DLG2: variants seen among roughly 807,000 people sequenced by gnomAD.
DLG2 encodes the protein disks large homolog 2.
A neutral mutation model predicts 132.5 loss-of-function variants in DLG2; 45 were observed. The ratio of observed to expected loss-of-function variants is 0.34; its 90% CI spans 0.27 to 0.44. DLG2 has a LOEUF of 0.44. Among genes scored for constraint, DLG2 ranks in the 20% least tolerant of loss-of-function variants. The probability of loss-of-function intolerance (pLI) is 1.00; values close to 1 mark genes in which losing one functional copy is unlikely to be tolerated. For synonymous variants in DLG2, 424 were observed against 419.6 expected (o/e 1.01, Z -0.13); for missense variants, 1,045 against 1,196.9 (o/e 0.87, Z 1.87).
intron 6 of DLG2, among the ~76,000 whole-genome samples, chr11:84,740,501 C>T (rs2064461286): frequency 6.6e-6 from 1 of 150,950 alleles, no homozygotes; most frequent in Admixed American, 6.6e-5. Context: ...CCTACCCAGC[C>T]ACTGTGGGCC....
intron 7 of DLG2, among the ~76,000 whole-genome samples, chr11:84,451,997 T>C (rs999560963): frequency 3.3e-5 from 5 of 151,736 alleles, no homozygotes; most frequent in African/African-American, 1.2e-4. Flanking sequence ...TTTGAAAAAG[T>C]AGATGAATCT....
At chr11:84,891,669 A>G (rs1233868762) in intron 6 of DLG2, among the ~76,000 whole-genome samples, 1 of 152,210 alleles carries the variant, frequency 6.6e-6, no homozygotes, top group Non-Finnish European at 1.5e-5. Flanking sequence ...AATCATCTTT[A>G]TCATGGCAAC....
intron 17 of DLG2, among the ~76,000 whole-genome samples, chr11:83,795,570 T>C (rs2042628768): frequency 6.6e-6 from 1 of 152,138 alleles, no homozygotes; most frequent in African/African-American, 2.4e-5. Context: ...TTTAGTTGAC[T>C]TCTAGTTGTG....
chr11:83,514,883 C>G (rs1451919962), intron 21 of DLG2, among the ~76,000 whole-genome samples: 1 of 151,996 alleles, frequency 6.6e-6, no homozygotes, highest in Non-Finnish European at 1.5e-5. Context: ...ATGAAGCCCA[C>G]TTGACCGTGG....
intron 5 of DLG2, among the ~76,000 whole-genome samples, chr11:85,114,280 G>T (rs1280660777): frequency 6.6e-6 from 1 of 151,972 alleles, no homozygotes; most frequent in East Asian, 1.9e-4. Flanking sequence ...TAGAAGCCCA[G>T]CTAGAACCAG....
chr11:83,764,211 G>A (rs1435061674), intron 18 of DLG2, among the ~76,000 whole-genome samples: 1 of 152,174 alleles, frequency 6.6e-6, no homozygotes, highest in Non-Finnish European at 1.5e-5. Context: ...CCTGAGACAG[G>A]TGCAGAGCTG....
chr11:85,338,939 G>A (rs892725966), intron 3 of DLG2, among the ~76,000 whole-genome samples: 21 of 152,098 alleles, frequency 1.4e-4, no homozygotes, highest in Admixed American at 2.0e-4. Flanking sequence ...TGATCCGCCC[G>A]CCTCGGCCTC....
chr11:83,653,975 C>T (rs1566321597), intron 18 of DLG2, among the ~76,000 whole-genome samples: 1 of 152,170 alleles, frequency 6.6e-6, no homozygotes, highest in African/African-American at 2.4e-5. Context: ...CTGCCTCTAC[C>T]TCCCAAAGTG....
chr11:85,043,745 T>G (rs1269450313), intron 6 of DLG2, among the ~76,000 whole-genome samples: 1 of 151,942 alleles, frequency 6.6e-6, no homozygotes, highest in Non-Finnish European at 1.5e-5. Context: ...TAACTTTCTA[T>G]TAGCTCTATT....
At chr11:85,460,628 GAGAGAGGTGCACACTAGCTA>G (rs1298245228) in intron 3 of DLG2, among the ~76,000 whole-genome samples, 3 of 152,152 alleles carry the variant, frequency 2.0e-5, no homozygotes, top group Non-Finnish European at 2.9e-5. Flanking sequence ...TTCTCTCTGT[GAGAGAGGTGCACACTAGCTA>G]CTAATAGCCA....
At chr11:84,573,426 G>A (rs987500306) in intron 6 of DLG2, among the ~76,000 whole-genome samples, 3 of 152,012 alleles carry the variant, frequency 2.0e-5, no homozygotes, top group South Asian at 2.1e-4. Flanking sequence ...ATAAATGACC[G>A]ATTATTAGGA....
chr11:84,758,666 A>G (rs890452073), intron 6 of DLG2, among the ~76,000 whole-genome samples: 1 of 152,138 alleles, frequency 6.6e-6, no homozygotes, highest in Non-Finnish European at 1.5e-5. Context: ...GAAAGATGCT[A>G]TTTAGTTTAC....
intron 6 of DLG2, among the ~76,000 whole-genome samples, chr11:84,939,656 T>C (rs1239930537): frequency 6.6e-6 from 1 of 152,212 alleles, no homozygotes; most frequent in Non-Finnish European, 1.5e-5. Context: ...CTCCCACAAA[T>C]GAGTAAGAAC....
At chr11:84,128,932 T>C (rs2094300983) in intron 9 of DLG2, among the ~76,000 whole-genome samples, 1 of 152,136 alleles carries the variant, frequency 6.6e-6, no homozygotes, top group African/African-American at 2.4e-5. Flanking sequence ...TGCTAGAAAC[T>C]TCTAAGTTGT....
chr11:83,558,700 G>A (rs114361174), intron 19 of DLG2, among the ~76,000 whole-genome samples: 1,924 of 152,234 alleles, frequency 0.013, 44 homozygotes, highest in African/African-American at 0.044. Flanking sequence ...TACCTCTGGA[G>A]GGCATCTTTT....
intron 4 of DLG2, among the ~76,000 whole-genome samples, chr11:85,175,481 A>G (rs567689322): frequency 5.3e-5 from 8 of 152,166 alleles, no homozygotes; most frequent in African/African-American, 1.7e-4. Flanking sequence ...TAAGAGCAAT[A>G]CATGACAAAC....
intron 8 of DLG2, among the ~76,000 whole-genome samples, chr11:84,195,175 A>AT (rs549826293): frequency 6.1e-3 from 926 of 151,960 alleles, no homozygotes; most frequent in Non-Finnish European, 0.011. Context: ...ATTTATTTAT[A>AT]TTTTTTTGAG....
At chr11:85,604,522 A>G (rs2153235015) in intron 2 of DLG2, among the ~76,000 whole-genome samples, 1 of 152,342 alleles carries the variant, frequency 6.6e-6, no homozygotes, top group East Asian at 1.9e-4. Context: ...GTCAAGATTC[A>G]TATTTTAATT....
intron 8 of DLG2, among the ~76,000 whole-genome samples, chr11:84,188,075 A>T (rs1022798679): frequency 6.6e-6 from 1 of 152,142 alleles, no homozygotes; most frequent in African/African-American, 2.4e-5. Flanking sequence ...ATTCCTATAA[A>T]GTTGCCTCTA....
Sources: gnomAD v4.1 joint callset for allele counts (sites outside exome capture counted in the v4.1 genomes callset) on GRCh38, gnomAD v4.1.1 for gene constraint, MANE v1.5 for transcripts, NCBI Gene and HGNC (gene_info 2026-07-23, HGNC 2026-07-21) for gene names.